The following ROBO2 variants were observed in gnomAD, a reference collection of about 807,000 sequenced individuals.
ROBO2 encodes the protein roundabout guidance receptor 2, also known as roundabout homolog 2.
A neutral mutation model predicts 160.8 loss-of-function variants in ROBO2; 53 were observed. The observed-to-expected ratio is 0.33, with a 90% CI of 0.26 to 0.41. ROBO2 has a LOEUF of 0.41. ROBO2 is among the 10% of genes least tolerant of loss of function. The probability of loss-of-function intolerance (pLI) is 1.00; values close to 1 mark genes in which losing one functional copy is unlikely to be tolerated. For synonymous variants in ROBO2, 664 were observed against 611.7 expected, an observed-to-expected ratio of 1.09 and a Z score of -1.26; for missense variants, 1,577 against 1,722.4, an observed-to-expected ratio of 0.92 and a Z score of 1.49.
intron 2 of ROBO2, among the ~76,000 whole-genome samples, chr3:76,756,585 G>A (rs930716718): frequency 6.6e-6 from 1 of 151,874 alleles, no homozygotes; most frequent in Non-Finnish European, 1.5e-5. Flanking sequence ...AGTAGACATA[G>A]TTATTGCAAT....
intron 1 of ROBO2, among the ~76,000 whole-genome samples, chr3:77,060,140 T>C (rs1477458972): frequency 6.6e-6 from 1 of 152,226 alleles, no homozygotes; most frequent in Admixed American, 6.5e-5. Flanking sequence ...TGAGTTCAAA[T>C]AATGTTTTCC....
chr3:76,736,843 G>A (rs184240483), intron 2 of ROBO2, among the ~76,000 whole-genome samples: 28 of 152,282 alleles, frequency 1.8e-4, no homozygotes, highest in Admixed American at 8.5e-4. Flanking sequence ...AATGTTCTCA[G>A]TAAGAGTTTA....
chr3:76,059,589 A>G (rs1463354784), intron 2 of ROBO2, among the ~76,000 whole-genome samples: 2 of 152,000 alleles, frequency 1.3e-5, no homozygotes. Context: ...ATTTTCTCCC[A>G]TTCTGTAAGT....
At chr3:77,485,252 C>T (rs1195946552) in intron 4 of ROBO2, among the ~76,000 whole-genome samples, 1 of 152,078 alleles carries the variant, frequency 6.6e-6, no homozygotes, top group Non-Finnish European at 1.5e-5. Flanking sequence ...CCTTCATTCT[C>T]TCCAGACCTT....
At chr3:76,725,650 C>T (rs1046828832) in intron 2 of ROBO2, among the ~76,000 whole-genome samples, 1 of 152,146 alleles carries the variant, frequency 6.6e-6, no homozygotes, top group Non-Finnish European at 1.5e-5. Flanking sequence ...CTATGGGAAC[C>T]AGTCCCTGAG....
At chr3:76,828,939 C>T (rs1370015963) in intron 2 of ROBO2, among the ~76,000 whole-genome samples, 1 of 152,040 alleles carries the variant, frequency 6.6e-6, no homozygotes, top group Non-Finnish European at 1.5e-5. Context: ...CACTCTTTGC[C>T]TACCTCCTTC....
chr3:76,631,559 T>C (rs1240750395), intron 2 of ROBO2, among the ~76,000 whole-genome samples: 2 of 152,050 alleles, frequency 1.3e-5, no homozygotes, highest in Non-Finnish European at 2.9e-5. Flanking sequence ...AAGCAGAAAA[T>C]ATGCCTTCAT....
rs143354998 is a variant in ROBO2 at position 76,377,045 on chromosome 3, G to A, written c.109+439443G>A. ...TTCCTACAAGGTAACTTGGCATTCT[G>A]TCATCAACAAAGTAGGCCCGGGTTG... On this transcript the variant is annotated intron_variant, in intron 2 of 26. Coordinates refer to the ROBO2 transcript ENST00000487694. Among the ~76,000 whole-genome samples the A allele has an allele frequency of 9.3e-3, 1,409 of 152,232 alleles. 15 individuals are homozygous for A. The highest frequency in any genetic ancestry group is 0.012 in the Non-Finnish European group (847 of 68,002).
chr3:76,353,162 C>CT (rs1379028416), intron 2 of ROBO2, among the ~76,000 whole-genome samples: 1 of 151,894 alleles, frequency 6.6e-6, no homozygotes, highest in Non-Finnish European at 1.5e-5. Context: ...TGCTTTGGAT[C>CT]CCTGTTTCAC....
intron 2 of ROBO2, among the ~76,000 whole-genome samples, chr3:77,391,105 G>T (rs2074680013): frequency 6.6e-6 from 1 of 151,674 alleles, no homozygotes; most frequent in Non-Finnish European, 1.5e-5. Flanking sequence ...GGACACCAAG[G>T]GTCTATGATT....
intron 2 of ROBO2, among the ~76,000 whole-genome samples, chr3:77,380,618 C>T (rs1403675965): frequency 6.6e-6 from 1 of 151,928 alleles, no homozygotes; most frequent in Non-Finnish European, 1.5e-5. Context: ...GATATCTAAA[C>T]GTTCTTTGGC....
At chr3:77,072,551 A>G (rs952461986) in intron 1 of ROBO2, among the ~76,000 whole-genome samples, 1 of 152,080 alleles carries the variant, frequency 6.6e-6, no homozygotes, top group African/African-American at 2.4e-5. Context: ...GGCTAATTCC[A>G]TTTGTCTGTC....
At chr3:76,742,696 AT>A (rs1201727575) in intron 2 of ROBO2, among the ~76,000 whole-genome samples, 2 of 151,668 alleles carry the variant, frequency 1.3e-5, no homozygotes, top group South Asian at 2.1e-4. Context: ...GTATTATGCT[AT>A]TTTTTTTCTG....
chr3:76,335,288 C>G (rs1305573118), intron 2 of ROBO2, among the ~76,000 whole-genome samples: 6 of 137,758 alleles, frequency 4.4e-5, no homozygotes, highest in Non-Finnish European at 7.6e-5. Context: ...CCAAGCAATT[C>G]TCCTGCCTCA....
At chr3:76,090,190 G>A (rs1474043250) in intron 2 of ROBO2, among the ~76,000 whole-genome samples, 2 of 152,172 alleles carry the variant, frequency 1.3e-5, no homozygotes, top group Non-Finnish European at 2.9e-5. Context: ...GCTGGGTGCA[G>A]TGGCTCATGC....
Position 77,485,864 on chromosome 3 carries a change from G to A in ROBO2, c.667+4645G>A, listed in dbSNP as rs142937722. 4.7e-3 allele frequency among the ~76,000 whole-genome samples: 719 copies of A among 152,176 alleles called. 4 individuals are homozygous for A. Among genetic ancestry groups the A allele is most frequent in the African/African-American group, 0.016 (681 of 41,516 alleles). On this transcript the variant is annotated intron_variant, in intron 4 of 25. Transcript: ENST00000461745. ...TAAACTTGTGCCATGGTGGTTTGCT[G>A]CACAGATTAACCTATCACCTAGGTA...
chr3:76,888,473 TAG>T (rs2074087097), intron 2 of ROBO2, among the ~76,000 whole-genome samples: 1 of 152,140 alleles, frequency 6.6e-6, no homozygotes, highest in Non-Finnish European at 1.5e-5. Context: ...TAAATAGGAA[TAG>T]ATTTATTCTT....
chr3:75,924,826 C>CT (rs1159098603), intron 1 of ROBO2, among the ~76,000 whole-genome samples: 1 of 150,046 alleles, frequency 6.7e-6, no homozygotes, highest in Non-Finnish European at 1.5e-5. Context: ...GTAGCTGGGA[C>CT]TACAGGCGCC....
At chr3:76,724,353 T>C (rs774075494) in intron 2 of ROBO2, among the ~76,000 whole-genome samples, 1 of 152,144 alleles carries the variant, frequency 6.6e-6, no homozygotes, top group African/African-American at 2.4e-5. Context: ...CACAATCTTA[T>C]GTTAATCCAA....
Sources: gnomAD v4.1 joint callset for allele counts (sites outside exome capture counted in the v4.1 genomes callset) on GRCh38, gnomAD v4.1.1 for gene constraint, MANE v1.5 for transcripts, NCBI Gene and HGNC (gene_info 2026-07-23, HGNC 2026-07-21) for gene names.